The following COL9A1 variants were observed in gnomAD, a reference collection of about 807,000 sequenced individuals.
The protein encoded by COL9A1 is collagen alpha-1(IX) chain.
Under a neutral mutation model 142.6 loss-of-function variants are expected in COL9A1, and 104 were observed. The ratio of observed to expected loss-of-function variants is 0.73; its 90% CI spans 0.62 to 0.86. COL9A1 has a LOEUF of 0.86. COL9A1 is among the 40% of genes least tolerant of loss of function. COL9A1 has a pLI of 0.00. For missense variants in COL9A1, 1,210 were observed against 1,176.6 expected, an observed-to-expected ratio of 1.03 and a Z score of -0.42; for synonymous variants, 466 against 396.0, an observed-to-expected ratio of 1.18 and a Z score of -2.10.
Position 70,234,800 on chromosome 6 carries a change from G to A in COL9A1, c.2253C>T (p.Gly751=), listed in dbSNP as rs753370035. ...GAAGCTGCCCACCACTCACCGGAGG[G>A]CCCTGGACACCAGGCAGGCCGGTGG... is the stretch of plus-strand genomic sequence containing the variant. ...QGATGLPGVQ[G]PPGRAPTDQH... is the part of the protein sequence containing the mutation. Residue 751 remains glycine, a synonymous_variant, in exon 34 of 38, where the codon GGC becomes GGT. Coordinates refer to ENST00000357250, the MANE Select transcript of COL9A1 (RefSeq NM_001851.6). 1.2e-6 allele frequency: 2 copies of A among 1,614,092 alleles called. No individual in the cohort carries two copies. The highest frequency in any genetic ancestry group is 1.7e-6 in the Non-Finnish European group (2 of 1,180,010).
At chr6:70,277,433 A>T (rs968491323) in intron 10 of COL9A1, among the ~76,000 whole-genome samples, 1 of 152,296 alleles carries the variant, frequency 6.6e-6, no homozygotes, top group Admixed American at 6.5e-5. Flanking sequence ...AATTTTCAAA[A>T]TCCAGTTTGC....
At chr6:70,234,451 C>T in intron 35 of COL9A1, 88 bp downstream of exon 35, 1 of 1,381,652 alleles carries the variant, frequency 7.2e-7, no homozygotes, top group Non-Finnish European at 1.0e-6. Flanking sequence ...AAAAGTCACT[C>T]TTGTTTACCC....
At position 70,253,370 on chromosome 6, in the gene COL9A1, T is replaced by G; in HGVS notation, c.1764+15A>C. On this transcript the variant is annotated intron_variant, in intron 26 of 37. Coordinates refer to ENST00000357250, the MANE Select transcript of COL9A1 (RefSeq NM_001851.6). Reference sequence around the variant, plus strand: ...AATTAAGAAAGATATTAACTTAAATTTTAAAATATTTTACCTTTTCACCAG... The same window carrying G: ...AATTAAGAAAGATATTAACTTAAATGTTAAAATATTTTACCTTTTCACCAG... 2 of 1,552,914 alleles carry G rather than the reference T, an allele frequency of 1.3e-6. No individual in the cohort carries two copies. Among genetic ancestry groups the G allele is most frequent in the East Asian group, 2.3e-5 (1 of 44,424 alleles).
intron 5 of COL9A1, 104 bp from the exon 6 acceptor site, chr6:70,283,924 A>T: frequency 1.2e-6 from 1 of 845,450 alleles, no homozygotes; most frequent in Non-Finnish European, 2.0e-6. Flanking sequence ...ATTGGAAATC[A>T]ACTTGAACTG....
chr6:70,260,896 T>G (rs373601701), intron 19 of COL9A1, 186 bp from the exon 20 acceptor site: 17 of 539,940 alleles, frequency 3.1e-5, no homozygotes, highest in East Asian at 1.9e-4. Flanking sequence ...CTTCTGATGG[T>G]AAACCTTTTT....
chr6:70,238,712 A>G (rs1770060329), intron 33 of COL9A1, among the ~76,000 whole-genome samples: 1 of 152,228 alleles, frequency 6.6e-6, no homozygotes, highest in South Asian at 2.1e-4. Flanking sequence ...GAAAGAAAAA[A>G]AACACTTCCT....
chr6:70,287,449 A>G (rs187749966), intron 5 of COL9A1, among the ~76,000 whole-genome samples: 3 of 152,338 alleles, frequency 2.0e-5, no homozygotes, highest in Non-Finnish European at 1.5e-5. Context: ...TTGAGGCAGA[A>G]GGAGGCTACC....
chr6:70,279,940 C>T (rs542115620), intron 10 of COL9A1: 11 of 628,046 alleles, frequency 1.8e-5, no homozygotes, highest in African/African-American at 1.5e-4. Context: ...TTGAGTGATG[C>T]ACCATGGTAT....
At chr6:70,224,287 G>A (rs779419768) in intron 37 of COL9A1, among the ~76,000 whole-genome samples, 15 of 152,068 alleles carry the variant, frequency 9.9e-5, no homozygotes, top group Non-Finnish European at 1.0e-4. Flanking sequence ...CCCCGTTTGC[G>A]CCCCCCATCA....
intron 5 of COL9A1, among the ~76,000 whole-genome samples, chr6:70,290,584 T>C (rs1312984778): frequency 6.6e-6 from 1 of 151,912 alleles, no homozygotes; most frequent in Non-Finnish European, 1.5e-5. Flanking sequence ...GGAAAGGGGA[T>C]GAAAGATAGG....
chr6:70,223,065 A>G (rs1305822414), intron 37 of COL9A1, among the ~76,000 whole-genome samples: 4 of 152,140 alleles, frequency 2.6e-5, no homozygotes, highest in Non-Finnish European at 4.4e-5. Context: ...CGCATTTGTG[A>G]TTTGGAGTTG....
intron 5 of COL9A1, among the ~76,000 whole-genome samples, chr6:70,291,059 C>A (rs1030278366): frequency 1.3e-5 from 2 of 152,088 alleles, no homozygotes; most frequent in African/African-American, 2.4e-5. Context: ...AGTCATTGTT[C>A]ATCTTCAGCA....
chr6:70,279,184 G>C (rs953377720), intron 10 of COL9A1, among the ~76,000 whole-genome samples: 2 of 152,004 alleles, frequency 1.3e-5, no homozygotes, highest in Non-Finnish European at 2.9e-5. Context: ...GCTACATTAG[G>C]CTACCAGTTT....
chr6:70,294,615 T>C, intron 4 of COL9A1, 52 bp from the exon 5 acceptor site: 2 of 1,568,886 alleles, frequency 1.3e-6, no homozygotes, highest in Non-Finnish European at 1.8e-6. Flanking sequence ...TGTACCCATA[T>C]GTATTTACCA....
intron 20 of COL9A1, 84 bp from the exon 21 acceptor site, chr6:70,256,905 T>G: frequency 7.6e-7 from 1 of 1,313,604 alleles, no homozygotes; most frequent in Non-Finnish European, 1.1e-6. Flanking sequence ...AGAAATTTAA[T>G]AGCCAGATGA....
chr6:70,271,981 C>T (rs1013939107), intron 13 of COL9A1, 84 bp downstream of exon 13: 116 of 1,361,368 alleles, frequency 8.5e-5, no homozygotes, highest in Non-Finnish European at 1.2e-4. Flanking sequence ...CTGAGTAGAC[C>T]GTTAGTAGGA....
intron 5 of COL9A1, among the ~76,000 whole-genome samples, chr6:70,284,290 T>C (rs1773352246): frequency 6.6e-6 from 1 of 151,308 alleles, no homozygotes; most frequent in South Asian, 2.1e-4. Flanking sequence ...AAAAAAAAAG[T>C]GGCAATCAGA....
In COL9A1 at chr6:70,260,703, T is replaced by C; in HGVS notation, c.1403A>G (p.Gln468Arg). 1 of 1,613,996 alleles carries C rather than the reference T, an allele frequency of 6.2e-7. No individual in the cohort carries two copies. Among genetic ancestry groups the C allele is most frequent in the Non-Finnish European group, 8.5e-7 (1 of 1,179,930 alleles). The stretch of plus-strand genomic sequence containing the variant: ...TATGCCGGTGATGCCTCGCAAACCC[T>C]GGGCTCCCTGGAAATGTGAAAAAGA... ...EVGAQGPPGAQGLRGITGIVG... is the reference protein window; with the variant it reads ...EVGAQGPPGARGLRGITGIVG... Residue 468 changes from glutamine (Q) to arginine (R), a missense_variant, in exon 20 of 38, where the codon CAG becomes CGG. Physicochemically the swap from Gln to Arg is conservative, Grantham distance 43 (BLOSUM62 1). Transcript: ENST00000357250.
At chr6:70,274,888 G>T in intron 10 of COL9A1, 116 bp from the exon 11 acceptor site, 1 of 784,078 alleles carries the variant, frequency 1.3e-6, no homozygotes, top group Non-Finnish European at 2.2e-6. Context: ...TAAGTATGAT[G>T]CAAATATTTA....
Sources: gnomAD v4.1 joint callset for allele counts (sites outside exome capture counted in the v4.1 genomes callset) on GRCh38, gnomAD v4.1.1 for gene constraint, MANE v1.5 for transcripts, NCBI Gene and HGNC (gene_info 2026-07-23, HGNC 2026-07-21) for gene names.